The following VCAN variants were observed in gnomAD, a reference collection of about 807,000 sequenced individuals.
VCAN encodes the protein versican.
In VCAN, 44 loss-of-function variants were observed where a neutral mutation model predicts 245.5. The observed-to-expected ratio is 0.18, with a 90% CI of 0.14 to 0.23. The LOEUF (loss-of-function observed/expected upper bound fraction) is 0.23. Ranked by LOEUF, VCAN falls within the 10% of genes least tolerant of loss-of-function variation. The probability of loss-of-function intolerance (pLI) is 1.00; values close to 1 mark genes in which losing one functional copy is unlikely to be tolerated. For synonymous variants in VCAN, 1,413 were observed against 1,437.0 expected (o/e 0.98, Z 0.38); for missense variants, 3,793 against 4,057.9 (o/e 0.93, Z 1.77).
Position 83,540,224 on chromosome 5 carries a change from T to G in VCAN, c.7221T>G (p.Gly2407=). The G allele has an allele frequency of 6.2e-7, 1 of 1,614,034 alleles. No individual in the cohort carries two copies. Residue 2407 remains glycine (G), a synonymous_variant, in exon 8 of 15, where the codon GGT becomes GGG. Coordinates refer to ENST00000265077, the MANE Select transcript of VCAN (RefSeq NM_004385.5). ...SSTDFLARAY[G]FEMAKEFVTS... ...CTGATTTTCTGGCTAGAGCTTATGGTTTTGAAATGGCCAAAGAATTTGTTA... is the reference window on the plus strand; with the variant it reads ...CTGATTTTCTGGCTAGAGCTTATGGGTTTGAAATGGCCAAAGAATTTGTTA...
chr5:83,494,920 C>G (rs996712318), intron 5 of VCAN, among the ~76,000 whole-genome samples: 3 of 152,022 alleles, frequency 2.0e-5, no homozygotes, highest in Non-Finnish European at 4.4e-5. Context: ...GAGGCTGTAG[C>G]GAGCTGAGGA....
At chr5:83,481,826 A>T (rs2112339798) in intron 1 of VCAN, among the ~76,000 whole-genome samples, 1 of 152,332 alleles carries the variant, frequency 6.6e-6, no homozygotes, top group Non-Finnish European at 1.5e-5. Context: ...CAAAAAAATT[A>T]AGAGAAAAGG....
At position 83,490,155 on chromosome 5, in the gene VCAN, C is replaced by T. The variant is rs146100935; in HGVS notation, c.128C>T (p.Pro43Leu). The change falls in exon 3 of 15, where the codon CCT becomes CTT. Residue 43 changes from proline to leucine, a missense_variant. Pro to Leu is a moderately conservative substitution (Grantham distance 98). This residue lies in a region of VCAN where 179 missense variants were observed against 169.7 expected (regional missense o/e 1.05). Transcript: ENST00000265077. ...TCCCTCTCTGGAAAAGTCAGCCTAC[C>T]TTGTCATTTTTCAACGATGCCTACT... ...RGSLSGKVSL[P>L]CHFSTMPTLP... 6.2e-7 allele frequency: 1 copy of T among 1,614,026 alleles called. No individual in the cohort carries two copies. Among genetic ancestry groups the T allele is most frequent in the African/African-American group, 1.3e-5 (1 of 74,922 alleles).
rs757814304 is a variant in VCAN at position 83,540,864 on chromosome 5, G to C, written c.7861G>C (p.Glu2621Gln). The change falls in exon 8 of 15, where the codon GAG (glutamate) becomes CAG (glutamine). Residue 2621 changes from glutamate (E) to glutamine (Q), a missense_variant. This residue lies in a region of VCAN where 3,182 missense variants were observed against 3,250.3 expected (regional missense o/e 0.98). Coordinates refer to ENST00000265077, the MANE Select transcript of VCAN (RefSeq NM_004385.5). ...TAATGATGACAGCACTCAAGTTCAA[G>C]AGATCTATGAGGCAGCTGTCAACCT... ...ESNDDSTQVQ[E>Q]IYEAAVNLSL... 1.3e-5 allele frequency: 21 copies of C among 1,613,986 alleles called. No homozygotes were observed. Among genetic ancestry groups the C allele is most frequent in the Non-Finnish European group, 1.7e-5 (20 of 1,179,970 alleles).
chr5:83,509,228 A>C (rs1745577052), intron 5 of VCAN, among the ~76,000 whole-genome samples: 2 of 152,238 alleles, frequency 1.3e-5, no homozygotes, highest in Non-Finnish European at 2.9e-5. Flanking sequence ...CAAGTGAGTT[A>C]AATAATTGAT....
At position 83,580,385 on chromosome 5, in the gene VCAN, C is replaced by G; in HGVS notation, c.10142C>G (p.Ser3381Cys). The G allele has an allele frequency of 6.2e-7, 1 of 1,613,964 alleles. No homozygotes were observed. Among genetic ancestry groups the G allele is most frequent in the South Asian group, 1.1e-5 (1 of 91,072 alleles). Residue 3381 changes from serine to cysteine, a missense_variant, in exon 15 of 15, where the codon TCC becomes TGC. Coordinates refer to ENST00000265077, the MANE Select transcript of VCAN (RefSeq NM_004385.5). The stretch of plus-strand genomic sequence containing the variant: ...GCAAAGGACAATTCAATAAATACAT[C>G]CAAACATGATCATCGTTGGAGCCGG... ...SSAKDNSINT[S>C]KHDHRWSRRW... is the part of the protein sequence containing the mutation.
intron 8 of VCAN, among the ~76,000 whole-genome samples, chr5:83,542,831 A>G (rs1339526184): frequency 2.0e-5 from 3 of 152,242 alleles, no homozygotes; most frequent in Non-Finnish European, 4.4e-5. Flanking sequence ...CACAGTGCCT[A>G]CCAGTAGTGA....
chr5:83,500,796 T>C (rs976650476), intron 5 of VCAN, among the ~76,000 whole-genome samples: 3 of 152,182 alleles, frequency 2.0e-5, no homozygotes, highest in Non-Finnish European at 2.9e-5. Context: ...ATAATTCTTA[T>C]TTGAGCAATG....
intron 5 of VCAN, among the ~76,000 whole-genome samples, chr5:83,494,254 G>C (rs760869217): frequency 1.3e-5 from 2 of 152,176 alleles, no homozygotes; most frequent in Admixed American, 1.3e-4. Flanking sequence ...ATTCTGGTGA[G>C]AGCATAAGAT....
chr5:83,566,398 T>A (rs769448368), intron 12 of VCAN, among the ~76,000 whole-genome samples: 1 of 152,184 alleles, frequency 6.6e-6, no homozygotes. Flanking sequence ...CTGCTGAGAT[T>A]TTAGGTCATT....
Position 83,519,640 on chromosome 5 carries a change from GACCTCTTGGAAAGCTAGACAT to G in VCAN, c.1336_1356del (p.Pro446_Ile452del), listed in dbSNP as rs1745997547. ...GATGACTACTCACCTTCTGCTTCAG[GACCTCTTGGAAAGCTAGACAT>G]ATCAGAAATTAAGGAAGAAGTGCTC... On this transcript the variant is annotated inframe_deletion, in exon 7 of 15. Coordinates refer to ENST00000265077, the MANE Select transcript of VCAN (RefSeq NM_004385.5). 1 of 1,613,998 alleles carries G rather than the reference GACCTCTTGGAAAGCTAGACAT, an allele frequency of 6.2e-7. No homozygotes were observed. Among genetic ancestry groups the G allele is most frequent in the Non-Finnish European group, 8.5e-7 (1 of 1,179,996 alleles).
At chr5:83,489,431 A>G (rs945860382) in intron 2 of VCAN, among the ~76,000 whole-genome samples, 1 of 152,244 alleles carries the variant, frequency 6.6e-6, no homozygotes. Context: ...TAGGACGGTT[A>G]GGTGAACAGA....
rs1314263669 is a variant in VCAN at position 83,580,705 on chromosome 5, C to T, written c.*271C>T. On this transcript the variant is annotated 3_prime_UTR_variant, in exon 15 of 15. Coordinates refer to ENST00000265077, the MANE Select transcript of VCAN (RefSeq NM_004385.5). ...TTTTCTATTTGCCTCCAGTGCAGTC[C>T]ATTTCCTAATGTATACCAGCCTACT... 1 of 442,836 alleles carries T rather than the reference C, an allele frequency of 2.3e-6. No individual in the cohort carries two copies. Among genetic ancestry groups the T allele is most frequent in the Non-Finnish European group, 4.1e-6 (1 of 240,990 alleles). 27.4% of individuals were successfully genotyped at this position (442,836 alleles called of 1,614,324 possible).
chr5:83,505,418 G>A (rs753881059), intron 5 of VCAN, among the ~76,000 whole-genome samples: 1 of 152,288 alleles, frequency 6.6e-6, no homozygotes, highest in South Asian at 2.1e-4. Context: ...GCCCATGCAA[G>A]TCCAAAATCC....
intron 7 of VCAN, among the ~76,000 whole-genome samples, chr5:83,527,681 A>G (rs1193693468): frequency 6.6e-6 from 1 of 152,222 alleles, no homozygotes; most frequent in East Asian, 1.9e-4. Flanking sequence ...AAACACACAC[A>G]TATAGAATCT....
In VCAN at chr5:83,540,900, G is replaced by T; in HGVS notation, c.7897G>T (p.Glu2633Ter). Residue 2633 changes from glutamate (E) to a stop codon, truncating the protein, a stop_gained, in exon 8 of 15, where the codon GAG becomes TAG. Coordinates refer to ENST00000265077, the MANE Select transcript of VCAN (RefSeq NM_004385.5). LOFTEE classifies it high-confidence loss of function. ...YEAAVNLSLT[E>*]ETFEGSADVL... ...GGCAGCTGTCAACCTTTCTTTAACT[G>T]AGGAAACATTTGAGGGCTCTGCTGA... 6.2e-7 allele frequency: 1 copy of T among 1,613,962 alleles called. No individual in the cohort carries two copies. The highest frequency in any genetic ancestry group is 8.5e-7 in the Non-Finnish European group (1 of 1,179,982).
At chr5:83,476,616 A>T (rs2218508) in intron 1 of VCAN, among the ~76,000 whole-genome samples, 9,375 of 152,120 alleles carry the variant, frequency 0.062, 639 homozygotes, top group African/African-American at 0.17. Flanking sequence ...CAATTAGTGA[A>T]TTTTTGCCAG....
intron 7 of VCAN, among the ~76,000 whole-genome samples, chr5:83,523,805 C>T (rs560376807): frequency 2.2e-4 from 33 of 152,006 alleles, no homozygotes; most frequent in Non-Finnish European, 4.3e-4. Flanking sequence ...TTTTCCATCT[C>T]TCGGAACTGG....
intron 2 of VCAN, among the ~76,000 whole-genome samples, chr5:83,485,783 A>T (rs1197182161): frequency 6.6e-6 from 1 of 152,076 alleles, no homozygotes; most frequent in Non-Finnish European, 1.5e-5. Flanking sequence ...TCACCTCCAG[A>T]TTCCCCTTTC....
Sources: gnomAD v4.1 joint callset for allele counts (sites outside exome capture counted in the v4.1 genomes callset) on GRCh38, gnomAD v4.1.1 for gene constraint, gnomAD v4.1.1 regional missense constraint, MANE v1.5 for transcripts, NCBI Gene and HGNC (gene_info 2026-07-23, HGNC 2026-07-21) for gene names.